SIPA1L2: variants seen among roughly 807,000 people sequenced by gnomAD.
The protein encoded by SIPA1L2 is signal induced proliferation associated 1 like 2, also known as signal-induced proliferation-associated 1-like protein 2.
In SIPA1L2, 56 loss-of-function variants were observed where a neutral mutation model predicts 163.9. The observed-to-expected ratio is 0.34, with a 90% CI of 0.28 to 0.43. SIPA1L2 has a LOEUF of 0.43. SIPA1L2 is among the 20% of genes least tolerant of loss of function. The pLI is 1.00. For missense variants in SIPA1L2, 1,974 were observed against 2,193.5 expected (o/e 0.90, Z 2.00); for synonymous variants, 877 against 865.7 (o/e 1.01, Z -0.23).
rs184458782 is a variant in SIPA1L2, at chr1:232,539,237, T to C, written c.-269-23629A>G. On this transcript the variant is annotated intron_variant, in intron 2 of 22. Transcript: ENST00000674635. Reference sequence around the variant, plus strand: ...GAAACCCTTGGGGTAGGGTCTTATCTAGGGCTTCTTGGTAACTAGTGGACA... The same window carrying C: ...GAAACCCTTGGGGTAGGGTCTTATCCAGGGCTTCTTGGTAACTAGTGGACA... Among the ~76,000 whole-genome samples the C allele has an allele frequency of 1.3e-3, 200 of 152,328 alleles. 1 individual carries two copies. The highest frequency in any genetic ancestry group is 4.3e-3 in the African/African-American group (179 of 41,576).
intron 2 of SIPA1L2, among the ~76,000 whole-genome samples, chr1:232,539,300 G>A (rs1194335134): frequency 6.6e-6 from 1 of 152,208 alleles, no homozygotes; most frequent in Non-Finnish European, 1.5e-5. Context: ...AACAATCTGA[G>A]TCCTTCCTAC....
intron 1 of SIPA1L2, among the ~76,000 whole-genome samples, chr1:232,590,707 T>C (rs6667595): frequency 0.28 from 41,003 of 145,502 alleles, 5,685 homozygotes; most frequent in African/African-American, 0.33. Flanking sequence ...TCTACCACCA[T>C]AAAAAAACAA....
intron 1 of SIPA1L2, among the ~76,000 whole-genome samples, chr1:232,629,522 C>G (rs1267884872): frequency 6.6e-6 from 1 of 152,224 alleles, no homozygotes; most frequent in Non-Finnish European, 1.5e-5. Context: ...CGAGCCCTTC[C>G]AGAGAGCGTT....
At position 232,514,874 on chromosome 1, in the gene SIPA1L2, T is replaced by C. The variant is rs1329245884; in HGVS notation, c.466A>G (p.Ile156Val). 4.3e-6 allele frequency: 7 copies of C among 1,614,198 alleles called. No individual in the cohort carries two copies. The highest frequency in any genetic ancestry group is 1.7e-5 in the Admixed American group (1 of 60,030). ...VHSPQRGLHP[I>V]RQRSNSDVTI... ...ACATCACTATTGCTCCTCTGTCTTATGGGGTGAAGTCCTCTTTGGGGGGAA... is the reference window on the plus strand; with the variant it reads ...ACATCACTATTGCTCCTCTGTCTTACGGGGTGAAGTCCTCTTTGGGGGGAA... Residue 156 changes from isoleucine to valine, a missense_variant, in exon 3 of 23, where the codon ATA (isoleucine) becomes GTA (valine). Around this residue, in one of 3 missense-constraint regions of SIPA1L2, gnomAD observed 607 missense variants for 624.0 expected, o/e 0.97. Transcript: ENST00000674635.
chr1:232,432,083 A>C (rs1662276926), intron 16 of SIPA1L2, among the ~76,000 whole-genome samples, 164 bp downstream of exon 16: 1 of 152,234 alleles, frequency 6.6e-6, no homozygotes, highest in Non-Finnish European at 1.5e-5. Context: ...CAAGAGAATA[A>C]TTTTATAGGG....
In SIPA1L2 at chr1:232,439,333, G is replaced by A. The variant is rs1211896521; in HGVS notation, c.3806C>T (p.Thr1269Met). Reference sequence around the variant, plus strand: ...GATGGTGGCAGGCATGCAGGGGGCCGTGTCGATGCCACTGTCGGTGGAGGC... The same window carrying A: ...GATGGTGGCAGGCATGCAGGGGGCCATGTCGATGCCACTGTCGGTGGAGGC... ...KGASTDSGID[T>M]APCMPATILG... is the part of the protein sequence containing the mutation. The change falls in exon 15 of 23, where the codon ACG becomes ATG. Residue 1269 changes from threonine (T) to methionine (M), a missense_variant. Thr to Met is a moderately conservative substitution (Grantham distance 81). Around this residue, in one of 3 missense-constraint regions of SIPA1L2, gnomAD observed 1,079 missense variants for 1,150.7 expected, o/e 0.94. Transcript: ENST00000674635. The A allele has an allele frequency of 4.3e-6, 7 of 1,614,202 alleles. No homozygotes were observed. The highest frequency in any genetic ancestry group is 2.2e-5 in the East Asian group (1 of 44,886).
At chr1:232,512,434 A>G (rs1183483219) in intron 3 of SIPA1L2, among the ~76,000 whole-genome samples, 1 of 152,214 alleles carries the variant, frequency 6.6e-6, no homozygotes, top group Non-Finnish European at 1.5e-5. Flanking sequence ...TGTTTATTGC[A>G]GCACTATTTA....
chr1:232,515,441 G>T lies in SIPA1L2; in HGVS notation c.-102C>A. 1 of 1,247,130 alleles carries T rather than the reference G, an allele frequency of 8.0e-7. No homozygotes were observed. Among genetic ancestry groups the T allele is most frequent in the Non-Finnish European group, 1.1e-6 (1 of 928,054 alleles). 77.3% of individuals were successfully genotyped at this position (1,247,130 alleles called of 1,614,324 possible). A position where few individuals can be genotyped will look rare whatever the true frequency, so the allele number is the denominator to read the frequency against. On this transcript the variant is annotated 5_prime_UTR_variant, in exon 3 of 23. Coordinates refer to ENST00000674635, the MANE Select transcript of SIPA1L2 (RefSeq NM_020808.5). ...TAATACTTGCAGATATAAAGGCTTT[G>T]TCTGTAGTTGTATTTTTTCTTTTCT...
At chr1:232,615,244 C>A (rs925889305) in intron 1 of SIPA1L2, among the ~76,000 whole-genome samples, 4 of 152,224 alleles carry the variant, frequency 2.6e-5, no homozygotes, top group African/African-American at 9.6e-5. Context: ...TGGACACAGG[C>A]TCGGAATCTA....
chr1:232,554,854 C>T (rs753181796), intron 2 of SIPA1L2, among the ~76,000 whole-genome samples: 1 of 152,170 alleles, frequency 6.6e-6, no homozygotes, highest in Non-Finnish European at 1.5e-5. Context: ...AAGGAAATAA[C>T]TTCCAACAAT....
intron 2 of SIPA1L2, among the ~76,000 whole-genome samples, chr1:232,536,034 C>A (rs981387934): frequency 2.6e-5 from 4 of 152,170 alleles, no homozygotes; most frequent in African/African-American, 9.7e-5. Flanking sequence ...GCAAAGGGCA[C>A]ACACTGCCTG....
chr1:232,545,840 A>G (rs16857632), intron 2 of SIPA1L2, among the ~76,000 whole-genome samples: 5,989 of 152,256 alleles, frequency 0.039, 376 homozygotes, highest in African/African-American at 0.13. Context: ...TTCCCTGTCA[A>G]CAAATAAAAA....
At chr1:232,535,405 A>G (rs1558251654) in intron 2 of SIPA1L2, among the ~76,000 whole-genome samples, 1 of 152,302 alleles carries the variant, frequency 6.6e-6, no homozygotes, top group East Asian at 1.9e-4. Context: ...AAATGTCTTT[A>G]GTCTGAAATA....
chr1:232,399,689 G>A (rs1660216211), intron 22 of SIPA1L2, among the ~76,000 whole-genome samples: 1 of 152,088 alleles, frequency 6.6e-6, no homozygotes, highest in Non-Finnish European at 1.5e-5. Context: ...TATGTACTTA[G>A]GTCTTTCATT....
At chr1:232,462,345 A>T in intron 9 of SIPA1L2, 1 of 1,535,664 alleles carries the variant, frequency 6.5e-7, no homozygotes, top group Admixed American at 2.0e-5. Flanking sequence ...TTTCAGTTTA[A>T]TGAACACTCC....
rs138800556 is a variant in SIPA1L2 at position 232,437,078 on chromosome 1, C to T, written c.4031+2030G>A. 7.0e-4 allele frequency among the ~76,000 whole-genome samples: 106 copies of T among 152,264 alleles called. No individual in the cohort carries two copies. The Middle Eastern group carries it at 0.014, about 20-fold the overall frequency. On this transcript the variant is annotated intron_variant, in intron 15 of 22. Coordinates refer to ENST00000674635, the MANE Select transcript of SIPA1L2 (RefSeq NM_020808.5). ...CTAATAGTCTAGCCCATTAAATTTG[C>T]CAATGGTTAAGGTAGTCATGAAAAT...
Position 232,608,804 on chromosome 1 carries a change from A to G in SIPA1L2, c.-319+21065T>C, listed in dbSNP as rs571060888. On this transcript the variant is annotated intron_variant, in intron 1 of 22. Transcript: ENST00000674635. Reference sequence around the variant, plus strand: ...AGGAAACCACATACAGTGGCCAAGCAAGTGCCAGGCAGGTTCACCTACCTG... The same window carrying G: ...AGGAAACCACATACAGTGGCCAAGCGAGTGCCAGGCAGGTTCACCTACCTG... Among the ~76,000 whole-genome samples the G allele has an allele frequency of 2.6e-5, 4 of 152,208 alleles. No homozygotes were observed. The South Asian group carries it at 6.2e-4, about 24-fold the overall frequency.
At chr1:232,490,753 GA>G in intron 5 of SIPA1L2, 120 bp downstream of exon 5, 5 of 1,065,856 alleles carry the variant, frequency 4.7e-6, no homozygotes, top group Non-Finnish European at 6.8e-6. Context: ...AAACTAAAGA[GA>G]AAATGTTCTA....
chr1:232,461,253 C>T, intron 9 of SIPA1L2, 92 bp from the exon 10 acceptor site: 1 of 1,514,656 alleles, frequency 6.6e-7, no homozygotes, highest in Non-Finnish European at 9.0e-7. Flanking sequence ...CCATGCCAGC[C>T]CTCTCCCTTG....
Sources: gnomAD v4.1 joint callset for allele counts (sites outside exome capture counted in the v4.1 genomes callset) on GRCh38, gnomAD v4.1.1 for gene constraint, gnomAD v4.1.1 regional missense constraint, MANE v1.5 for transcripts, NCBI Gene and HGNC (gene_info 2026-07-23, HGNC 2026-07-21) for gene names.